Variants in MAD1L1 observed in about 807,000 individuals in gnomAD.
MAD1L1 encodes mitotic spindle assembly checkpoint protein MAD1.
MAD1L1 carries 95 observed loss-of-function variants against 96.9 expected under a neutral mutation model. That is an observed-to-expected ratio of 0.98 (90% CI 0.83 to 1.16). The LOEUF (loss-of-function observed/expected upper bound fraction) is 1.16, where lower values mean the gene tolerates loss of function less well. Ranked by LOEUF, MAD1L1 falls within the 50% of genes most tolerant of loss-of-function variation. The pLI is 0.00. For synonymous variants in MAD1L1, 473 were observed against 396.6 expected (o/e 1.19, Z -2.29); for missense variants, 1,007 against 954.4 (o/e 1.06, Z -0.73).
chr7:2,162,728 G>A (rs114867876), intron 10 of MAD1L1, among the ~76,000 whole-genome samples: 3,697 of 128,256 alleles, frequency 0.029, 79 homozygotes, highest in Middle Eastern at 0.07. Context: ...AAAAAAAAAC[G>A]TAATGGATCC....
intron 11 of MAD1L1, among the ~76,000 whole-genome samples, chr7:2,099,604 G>A (rs1050905611): frequency 3.0e-5 from 3 of 100,240 alleles, no homozygotes; most frequent in African/African-American, 5.9e-5. Flanking sequence ...GGAAGTGAGC[G>A]CATCGGGCTG....
At chr7:1,990,781 A>G (rs2037492) in intron 14 of MAD1L1, among the ~76,000 whole-genome samples, 13 of 113,700 alleles carry the variant, frequency 1.1e-4, no homozygotes, top group African/African-American at 4.1e-4. Flanking sequence ...CCTCACGAGC[A>G]CCGCTGGGTG....
At chr7:2,117,223 A>G (rs190119993) in intron 11 of MAD1L1, among the ~76,000 whole-genome samples, 3 of 152,314 alleles carry the variant, frequency 2.0e-5, no homozygotes, top group Non-Finnish European at 4.4e-5. Flanking sequence ...AGGGAGGAGC[A>G]AGGCTCTGCA....
intron 5 of MAD1L1, among the ~76,000 whole-genome samples, chr7:2,221,846 C>A (rs1194036773): frequency 6.6e-6 from 1 of 152,154 alleles, no homozygotes; most frequent in Non-Finnish European, 1.5e-5. Flanking sequence ...GAAATTGGAG[C>A]CCTCAGCCAG....
chr7:1,947,396 C>T (rs997950492), intron 16 of MAD1L1, among the ~76,000 whole-genome samples: 1 of 152,258 alleles, frequency 6.6e-6, no homozygotes, highest in Non-Finnish European at 1.5e-5. Context: ...AGTTAAATAA[C>T]CACCAGTCCT....
In MAD1L1 at chr7:1,819,256, G is replaced by A. The variant is rs181899898; in HGVS notation, c.1999-3028C>T. On this transcript the variant is annotated intron_variant, in intron 18 of 18. Transcript: ENST00000265854. ...CAGTAAGACACGTTGGCTGTGGCTGGAAATACTTCTGAGGCTGCCTGCGCG... is the reference window on the plus strand; with the variant it reads ...CAGTAAGACACGTTGGCTGTGGCTGAAAATACTTCTGAGGCTGCCTGCGCG... Among the ~76,000 whole-genome samples the A allele has an allele frequency of 8.4e-3, 1,281 of 152,290 alleles. 20 individuals carry two copies. The highest frequency in any genetic ancestry group is 0.02 in the Middle Eastern group (6 of 294).
At chr7:1,933,865 C>T (rs374479138) in intron 17 of MAD1L1, among the ~76,000 whole-genome samples, 9 of 152,188 alleles carry the variant, frequency 5.9e-5, no homozygotes, top group Non-Finnish European at 1.3e-4. Context: ...CCTCCCCTAA[C>T]GCCACTTGCA....
At chr7:2,096,010 G>A (rs563987080) in intron 11 of MAD1L1, among the ~76,000 whole-genome samples, 2 of 152,380 alleles carry the variant, frequency 1.3e-5, no homozygotes, top group Admixed American at 1.3e-4. Context: ...AGGGTCGTTA[G>A]AATCGGGCTC....
intron 12 of MAD1L1, among the ~76,000 whole-genome samples, chr7:2,022,137 G>C (rs887609410): frequency 2.6e-5 from 4 of 152,010 alleles, no homozygotes; most frequent in Non-Finnish European, 5.9e-5. Flanking sequence ...CCTTAGTCTC[G>C]TTCATCTAAT....
chr7:2,158,593 T>C (rs1168838826), intron 10 of MAD1L1, among the ~76,000 whole-genome samples: 3 of 152,136 alleles, frequency 2.0e-5, no homozygotes, highest in Non-Finnish European at 1.5e-5. Flanking sequence ...TAAAATACAT[T>C]AGACAGCAAA....
chr7:1,845,484 G>A (rs13236387), intron 18 of MAD1L1: 6 of 63,778 alleles, frequency 9.4e-5, no homozygotes, highest in African/African-American at 1.2e-4. Flanking sequence ...GAGACGCGTC[G>A]GGCTCTGATT....
intron 12 of MAD1L1, among the ~76,000 whole-genome samples, chr7:2,067,197 AGGCACCCGGGGTCATCAGGCCATGTTCG>A (rs1784914510): frequency 7.6e-6 from 1 of 131,416 alleles, no homozygotes; most frequent in African/African-American, 3.8e-5. Flanking sequence ...CCACGTTCGC[AGGCACCCGGGGTCATCAGGCCATGTTCG>A]CAGGCACCCG....
chr7:2,020,032 C>T (rs1233327616), intron 12 of MAD1L1, among the ~76,000 whole-genome samples: 1 of 152,236 alleles, frequency 6.6e-6, no homozygotes, highest in African/African-American at 2.4e-5. Context: ...ATCTTCAGAA[C>T]CGCCAGGCAG....
At chr7:2,195,173 A>G (rs1305501245) in intron 10 of MAD1L1, among the ~76,000 whole-genome samples, 3 of 152,242 alleles carry the variant, frequency 2.0e-5, no homozygotes, top group Non-Finnish European at 4.4e-5. Flanking sequence ...TGGGTTATCT[A>G]TGCCACTTCA....
chr7:1,888,507 T>C (rs985956295), intron 18 of MAD1L1, among the ~76,000 whole-genome samples: 1 of 150,412 alleles, frequency 6.6e-6, no homozygotes, highest in African/African-American at 2.5e-5. Flanking sequence ...TGGCTGCCTG[T>C]TCGTGTGTGT....
At chr7:2,110,454 G>A (rs554769907) in intron 11 of MAD1L1, among the ~76,000 whole-genome samples, 2 of 152,290 alleles carry the variant, frequency 1.3e-5, no homozygotes, top group East Asian at 3.9e-4. Context: ...CTCCTCTCCT[G>A]TGAAGCATCT....
chr7:1,868,316 C>T (rs1006209317), intron 18 of MAD1L1, among the ~76,000 whole-genome samples: 1 of 152,186 alleles, frequency 6.6e-6, no homozygotes, highest in Non-Finnish European at 1.5e-5. Context: ...GTCACTGCCT[C>T]CCCAGCTCCT....
chr7:1,833,056 G>C (rs1782786394), intron 18 of MAD1L1, among the ~76,000 whole-genome samples: 2 of 152,194 alleles, frequency 1.3e-5, no homozygotes, highest in South Asian at 4.1e-4. Context: ...ACTGGCTAAA[G>C]GTTCGGGTGA....
At chr7:1,841,178 G>A (rs1353442864) in intron 18 of MAD1L1, among the ~76,000 whole-genome samples, 4 of 152,224 alleles carry the variant, frequency 2.6e-5, no homozygotes, top group South Asian at 2.1e-4. Flanking sequence ...CAGAGCACAC[G>A]GCCACCAATG....
Sources: allele counts gnomAD v4.1 joint callset (sites outside exome capture counted in the v4.1 genomes callset), GRCh38; gene constraint gnomAD v4.1.1; transcripts MANE v1.5; gene names NCBI Gene and HGNC (gene_info 2026-07-23, HGNC 2026-07-21).